Variants in NDC1 observed in about 807,000 individuals in gnomAD.
NDC1 encodes the protein NDC1 transmembrane nucleoporin, also known as nucleoporin NDC1.
A neutral mutation model predicts 89.8 loss-of-function variants in NDC1; 24 were observed. The ratio of observed to expected loss-of-function variants is 0.27; its 90% CI spans 0.19 to 0.38. The LOEUF (loss-of-function observed/expected upper bound fraction) is 0.38. Ranked by LOEUF, NDC1 falls within the 10% of genes least tolerant of loss-of-function variation. The pLI, the probability that NDC1 is intolerant of heterozygous loss-of-function variation, is 1.00. For missense variants in NDC1, 728 were observed against 797.6 expected (o/e 0.91, Z 1.05); for synonymous variants, 296 against 284.8 (o/e 1.04, Z -0.39).
chr1:53,774,451 C>T (rs956977823), intron 16 of NDC1, among the ~76,000 whole-genome samples: 1 of 152,162 alleles, frequency 6.6e-6, no homozygotes, highest in Non-Finnish European at 1.5e-5. Flanking sequence ...TTGCAAATGT[C>T]CTGATTAACC....
chr1:53,768,458 T>C lies in NDC1; in HGVS notation c.1962-425A>G, dbSNP rs3753421. Among the ~76,000 whole-genome samples the C allele has an allele frequency of 4.8e-4, 73 of 152,324 alleles. 1 individual carries two copies. In the East Asian group the frequency reaches 0.011, roughly 24 times the overall value. The stretch of plus-strand genomic sequence containing the variant: ...TCTAAAATGTTTGGTTAAAACACAA[T>C]AGACTCCATTAATTGTTTTCAAAGG... On this transcript the variant is annotated intron_variant, in intron 17 of 17. Transcript: ENST00000371429.
At position 53,774,389 on chromosome 1, in the gene NDC1, G is replaced by A. The variant is rs144984469; in HGVS notation, c.1801-1900C>T. 1.1e-4 allele frequency among the ~76,000 whole-genome samples: 16 copies of A among 152,226 alleles called. No homozygotes were observed. In the East Asian group the frequency reaches 3.1e-3, roughly 29 times the overall value. On this transcript the variant is annotated intron_variant, in intron 16 of 17. Coordinates refer to ENST00000371429, the MANE Select transcript of NDC1 (RefSeq NM_018087.5). ...AGTTATCGTGGCAGATTGAACAAAT[G>A]CATCAAATCTTGTTCCATCATAATG...
rs1647079628 is a variant in NDC1, at chr1:53,767,912, T to A, written c.*58A>T. On this transcript the variant is annotated 3_prime_UTR_variant, in exon 18 of 18. Transcript: ENST00000371429. Reference sequence around the variant, plus strand: ...CTTCTGATCCAAGAATGCTGAACATTTACTGTCCCATCTGTAGTTGTATCA... The same window carrying A: ...CTTCTGATCCAAGAATGCTGAACATATACTGTCCCATCTGTAGTTGTATCA... 1.3e-5 allele frequency: 14 copies of A among 1,064,772 alleles called. No individual in the cohort carries two copies. Among genetic ancestry groups the A allele is most frequent in the Non-Finnish European group, 1.9e-5 (14 of 720,028 alleles). 66.0% of individuals were successfully genotyped at this position (1,064,772 alleles called of 1,614,324 possible).
intron 5 of NDC1, among the ~76,000 whole-genome samples, chr1:53,820,693 TTCTC>T (rs764802182): frequency 5.8e-4 from 86 of 147,760 alleles, no homozygotes; most frequent in Non-Finnish European, 7.3e-4. Flanking sequence ...AAAGATGTAC[TTCTC>T]TCTCTTTTTT....
chr1:53,809,104 G>C (rs1055396705), intron 7 of NDC1, among the ~76,000 whole-genome samples: 24 of 152,176 alleles, frequency 1.6e-4, no homozygotes, highest in South Asian at 6.2e-4. Context: ...ACCTGACCTT[G>C]CTCAATTTTG....
rs1039370528 is a variant in NDC1 at position 53,825,460 on chromosome 1, A to AAAAAAAAAAAAAAAAAAAAAAAAAAG, written c.594+337_594+338insCTTTTTTTTTTTTTTTTTTTTTTTTT. On this transcript the variant is annotated intron_variant, in intron 5 of 17. Transcript: ENST00000371429. ...AAGAAGCGAGACTGTCTCCAAAAAA[A>AAAAAAAAAAAAAAAAAAAAAAAAAAG]AAGAAGCTACACAGAGTACTTTGCA... Among the ~76,000 whole-genome samples, 10 of 142,186 alleles carry AAAAAAAAAAAAAAAAAAAAAAAAAAG rather than the reference A, an allele frequency of 7.0e-5. 2 individuals carry two copies. Among genetic ancestry groups the AAAAAAAAAAAAAAAAAAAAAAAAAAG allele is most frequent in the Admixed American group, 1.4e-4 (2 of 14,390 alleles). The allele number at this position is 142,186 out of a possible 152,430, so 93.3% of individuals were successfully genotyped here. A position where few individuals can be genotyped will look rare whatever the true frequency, so the allele number is the denominator to read the frequency against.
chr1:53,800,943 C>G, intron 10 of NDC1, 95 bp from the exon 11 acceptor site: 1 of 1,242,812 alleles, frequency 8.0e-7, no homozygotes, highest in South Asian at 1.5e-5. Context: ...CTACATTATG[C>G]TTGGCATCAG....
Position 53,830,208 on chromosome 1 carries a change from C to T in NDC1, c.281-2035G>A, listed in dbSNP as rs1266918969. ...GTGGCTCACACCTGTAATCACAGCA[C>T]TTTGGGAGGTCAAGGCAAGCGGATC... On this transcript the variant is annotated intron_variant, in intron 3 of 17. Transcript: ENST00000371429. Among the ~76,000 whole-genome samples, 4 of 151,742 alleles carry T rather than the reference C, an allele frequency of 2.6e-5. No homozygotes were observed. In the East Asian group the frequency reaches 5.8e-4, roughly 22 times the overall value.
chr1:53,789,700 G>A (rs1453282056), intron 14 of NDC1, among the ~76,000 whole-genome samples: 2 of 151,744 alleles, frequency 1.3e-5, no homozygotes, highest in Non-Finnish European at 2.9e-5. Context: ...TCAGGAAGCT[G>A]AGGCAGGATA....
intron 16 of NDC1, among the ~76,000 whole-genome samples, chr1:53,782,204 G>C (rs890400244): frequency 6.6e-6 from 1 of 152,160 alleles, no homozygotes; most frequent in South Asian, 2.1e-4. Context: ...AGACTGAATA[G>C]TCTATGGTAG....
intron 3 of NDC1, among the ~76,000 whole-genome samples, chr1:53,829,317 T>C (rs1648976354): frequency 6.6e-6 from 1 of 152,258 alleles, no homozygotes; most frequent in Non-Finnish European, 1.5e-5. Flanking sequence ...AAGGTCCTAC[T>C]GACTGTGCAA....
At chr1:53,820,730 G>A (rs1570226542) in intron 5 of NDC1, among the ~76,000 whole-genome samples, 1 of 112,976 alleles carries the variant, frequency 8.9e-6, no homozygotes, top group South Asian at 3.0e-4. Context: ...TTTTTTTGGA[G>A]ATAAGAGTCT....
intron 11 of NDC1, among the ~76,000 whole-genome samples, chr1:53,797,382 C>A (rs752673978): frequency 1.3e-5 from 2 of 152,162 alleles, no homozygotes. Flanking sequence ...TTTTTCCCCC[C>A]CCATGAATAT....
At chr1:53,801,738 AC>A (rs772227747) in intron 10 of NDC1, among the ~76,000 whole-genome samples, 4 of 152,168 alleles carry the variant, frequency 2.6e-5, no homozygotes, top group Non-Finnish European at 5.9e-5. Flanking sequence ...TACATGAGGA[AC>A]TGTGTAACCA....
chr1:53,808,419 C>G (rs906961812), intron 7 of NDC1, among the ~76,000 whole-genome samples: 2 of 152,212 alleles, frequency 1.3e-5, no homozygotes, highest in African/African-American at 4.8e-5. Flanking sequence ...AATCACTCCA[C>G]CTATCCCACC....
chr1:53,771,586 T>C (rs76521191), intron 17 of NDC1, among the ~76,000 whole-genome samples: 2,669 of 152,332 alleles, frequency 0.018, 84 homozygotes, highest in African/African-American at 0.061. Flanking sequence ...ACTTCAAATG[T>C]GGCTAGGGTG....
chr1:53,774,816 A>C (rs72662307), intron 16 of NDC1, among the ~76,000 whole-genome samples: 17,927 of 152,150 alleles, frequency 0.12, 1,190 homozygotes, highest in Middle Eastern at 0.16. Flanking sequence ...ACTTGAGCCC[A>C]AGAGTTCAAG....
At chr1:53,800,062 G>A (rs1188753009) in intron 11 of NDC1, among the ~76,000 whole-genome samples, 1 of 152,176 alleles carries the variant, frequency 6.6e-6, no homozygotes, top group African/African-American at 2.4e-5. Flanking sequence ...TTGTGCTAGA[G>A]TAAGCTGAAG....
chr1:53,808,908 A>G (rs1354330132), intron 7 of NDC1, among the ~76,000 whole-genome samples: 1 of 152,254 alleles, frequency 6.6e-6, no homozygotes, highest in Non-Finnish European at 1.5e-5. Flanking sequence ...AACTGATATT[A>G]GTGAATTCCA....
Sources: gnomAD v4.1 joint callset for allele counts (sites outside exome capture counted in the v4.1 genomes callset) on GRCh38, gnomAD v4.1.1 for gene constraint, MANE v1.5 for transcripts, NCBI Gene and HGNC (gene_info 2026-07-23, HGNC 2026-07-21) for gene names.